The following FTO variants were observed in gnomAD, a reference collection of about 807,000 sequenced individuals.
FTO encodes alpha-ketoglutarate-dependent dioxygenase FTO.
Under a neutral mutation model 63.9 loss-of-function variants are expected in FTO, and 47 were observed. The ratio of observed to expected loss-of-function variants is 0.74; its 90% confidence interval spans 0.58 to 0.94. The LOEUF is 0.94. Ranked by LOEUF, FTO falls within the 40% of genes least tolerant of loss-of-function variation. The probability of loss-of-function intolerance (pLI) is 0.00; values close to 1 mark genes in which losing one functional copy is unlikely to be tolerated. For missense variants in FTO, 562 were observed against 618.1 expected (o/e 0.91, Z 0.96); for synonymous variants, 207 against 224.4 (o/e 0.92, Z 0.69).
chr16:53,793,254 A>G (rs938025627), intron 1 of FTO, among the ~76,000 whole-genome samples: 3 of 152,154 alleles, frequency 2.0e-5, no homozygotes, highest in Non-Finnish European at 2.9e-5. Flanking sequence ...TATTTCCGCA[A>G]TCACTCCCTA....
chr16:53,982,162 T>G (rs1655714976), intron 8 of FTO, among the ~76,000 whole-genome samples: 2 of 152,156 alleles, frequency 1.3e-5, no homozygotes, highest in Admixed American at 6.5e-5. Flanking sequence ...AGTCCTCACC[T>G]CACCACATTC....
In FTO at chr16:53,805,811, G is replaced by A. The variant is rs537817696; in HGVS notation, c.46-4329G>A. On this transcript the variant is annotated intron_variant, in intron 1 of 8. Coordinates refer to ENST00000471389, the MANE Select transcript of FTO (RefSeq NM_001080432.3). Reference sequence around the variant, plus strand: ...CTTTGCTAGAGCTGTGGAAATGGGTGGTAGCCTGTGTGCAGGGGTCTTCAT... The same window carrying A: ...CTTTGCTAGAGCTGTGGAAATGGGTAGTAGCCTGTGTGCAGGGGTCTTCAT... Among the ~76,000 whole-genome samples the A allele has an allele frequency of 1.6e-3, 242 of 152,240 alleles. 2 individuals are homozygous for A. In the South Asian group the frequency reaches 0.024, roughly 15 times the overall value.
At chr16:53,827,052 AG>A (rs750285998) in intron 3 of FTO, among the ~76,000 whole-genome samples, 8 of 152,082 alleles carry the variant, frequency 5.3e-5, no homozygotes, top group Non-Finnish European at 8.8e-5. Context: ...GAAGCAGTTG[AG>A]GTAGGTTTTG....
At chr16:53,897,322 C>T (rs111657086) in intron 7 of FTO, among the ~76,000 whole-genome samples, 7 of 151,926 alleles carry the variant, frequency 4.6e-5, no homozygotes, top group Admixed American at 6.6e-5. Flanking sequence ...CTTTTAATAC[C>T]GCTCAATAAA....
intron 2 of FTO, among the ~76,000 whole-genome samples, chr16:53,814,497 C>T (rs1440177796): frequency 6.6e-6 from 1 of 152,080 alleles, no homozygotes; most frequent in Admixed American, 6.5e-5. Context: ...ATGAGGAAAC[C>T]GAGGGACAGA....
At chr16:53,912,766 A>G (rs2081745231) in intron 7 of FTO, among the ~76,000 whole-genome samples, 1 of 151,952 alleles carries the variant, frequency 6.6e-6, no homozygotes, top group South Asian at 2.1e-4. Context: ...TCCACCTACC[A>G]TTTTCCTGGG....
At chr16:53,730,415 TATCC>T (rs1378945758) in intron 1 of FTO, among the ~76,000 whole-genome samples, 1 of 152,204 alleles carries the variant, frequency 6.6e-6, no homozygotes. Context: ...ATATTTTTTC[TATCC>T]ATCCATTTAT....
At chr16:53,759,800 C>T (rs28725357) in intron 1 of FTO, among the ~76,000 whole-genome samples, 3,554 of 151,532 alleles carry the variant, frequency 0.023, 139 homozygotes, top group African/African-American at 0.082. Context: ...CCGCCCAGCA[C>T]AACAGATGAA....
rs2086893940 is a variant in FTO, at chr16:54,111,770, C to A, written c.1373C>A (p.Ser458Ter). 3.1e-6 allele frequency: 5 copies of A among 1,614,004 alleles called. No individual in the cohort carries two copies. Among genetic ancestry groups the A allele is most frequent in the Non-Finnish European group, 4.2e-6 (5 of 1,180,026 alleles). ...TATTTTTACTCTTCCAGGTGCCAGTCACGAATTGCCCGAACATTACCTGCT... is the reference window on the plus strand; with the variant it reads ...TATTTTTACTCTTCCAGGTGCCAGTAACGAATTGCCCGAACATTACCTGCT... The part of the protein sequence containing the change: ...LRREWHARCQ[S>*]RIARTLPADQ... Residue 458 changes from serine to a stop codon, truncating the protein, a stop_gained, in exon 9 of 9, where the codon TCA becomes TAA. Coordinates refer to ENST00000471389, the MANE Select transcript of FTO (RefSeq NM_001080432.3). LOFTEE classifies it high-confidence loss of function.
At chr16:53,851,315 C>T (rs2079788645) in intron 4 of FTO, among the ~76,000 whole-genome samples, 1 of 148,402 alleles carries the variant, frequency 6.7e-6, no homozygotes, top group African/African-American at 2.5e-5. Context: ...AAAAATTAGC[C>T]AGGTGTGGTG....
At chr16:53,770,029 G>A (rs2077297521) in intron 1 of FTO, among the ~76,000 whole-genome samples, 1 of 152,044 alleles carries the variant, frequency 6.6e-6, no homozygotes, top group Non-Finnish European at 1.5e-5. Flanking sequence ...GCAGGAAGAG[G>A]AGGAAAACAG....
At chr16:54,028,713 A>G (rs2084768658) in intron 8 of FTO, among the ~76,000 whole-genome samples, 2 of 152,154 alleles carry the variant, frequency 1.3e-5, no homozygotes, top group Admixed American at 1.3e-4. Context: ...ATTTTATTGT[A>G]TACACTATAT....
At chr16:54,020,558 T>C (rs1272908022) in intron 8 of FTO, among the ~76,000 whole-genome samples, 1 of 151,174 alleles carries the variant, frequency 6.6e-6, no homozygotes, top group African/African-American at 2.4e-5. Context: ...GAATAGATGA[T>C]GGGAAAAATG....
At chr16:53,905,520 C>T (rs1174512367) in intron 7 of FTO, among the ~76,000 whole-genome samples, 1 of 152,194 alleles carries the variant, frequency 6.6e-6, no homozygotes, top group Non-Finnish European at 1.5e-5. Flanking sequence ...GACCCCTTAA[C>T]TTTCACCTGA....
At chr16:53,944,597 G>A (rs1038108375) in intron 8 of FTO, among the ~76,000 whole-genome samples, 2 of 152,118 alleles carry the variant, frequency 1.3e-5, no homozygotes, top group African/African-American at 4.8e-5. Context: ...TTTGAATCTT[G>A]GATCCACTTC....
At position 53,843,542 on chromosome 16, in the gene FTO, A is replaced by G. The variant is rs191886328; in HGVS notation, c.752-613A>G. Among the ~76,000 whole-genome samples the G allele has an allele frequency of 1.1e-3, 171 of 152,220 alleles. 1 individual carries two copies. The highest frequency in any genetic ancestry group is 3.9e-3 in the African/African-American group (161 of 41,542). On this transcript the variant is annotated intron_variant, in intron 3 of 8. Transcript: ENST00000471389. ...AACATGCTCAGTTTTAAATTTGTCTATTGGCCTTTATCTTACTGATGTATA... is the reference window on the plus strand; with the variant it reads ...AACATGCTCAGTTTTAAATTTGTCTGTTGGCCTTTATCTTACTGATGTATA...
At chr16:53,889,831 G>GTAA (rs57060021) in intron 7 of FTO, among the ~76,000 whole-genome samples, 3 of 151,738 alleles carry the variant, frequency 2.0e-5, no homozygotes, top group East Asian at 3.9e-4. Flanking sequence ...TTAAATAATA[G>GTAA]TAATAATAAT....
chr16:54,055,309 C>G lies in FTO; in HGVS notation c.1365-56453C>G, dbSNP rs536293863. On this transcript the variant is annotated intron_variant, in intron 8 of 8. Coordinates refer to ENST00000471389, the MANE Select transcript of FTO (RefSeq NM_001080432.3). ...GACTCTGAGCAGACTAAGATATCAC[C>G]CTGAACTACATGATTTAGTGAGCTG... Among the ~76,000 whole-genome samples, 3 of 152,222 alleles carry G rather than the reference C, an allele frequency of 2.0e-5. No homozygotes were observed. The East Asian group carries it at 5.8e-4, about 29-fold the overall frequency.
rs950754260 is a variant in FTO at position 54,076,725 on chromosome 16, G to T, written c.1365-35037G>T. On this transcript the variant is annotated intron_variant, in intron 8 of 8. Coordinates refer to ENST00000471389, the MANE Select transcript of FTO (RefSeq NM_001080432.3). ...TAAACAGGATATAATCATAATCTTA[G>T]TCTATCAAAGCCACACCTTAAATGC... Among the ~76,000 whole-genome samples, 3 of 152,056 alleles carry T rather than the reference G, an allele frequency of 2.0e-5. No individual in the cohort carries two copies. The South Asian group carries it at 6.2e-4, about 32-fold the overall frequency.
Sources: allele counts gnomAD v4.1 joint callset (sites outside exome capture counted in the v4.1 genomes callset), GRCh38; gene constraint gnomAD v4.1.1; transcripts MANE v1.5; gene names NCBI Gene and HGNC (gene_info 2026-07-23, HGNC 2026-07-21).